The following NLGN1 variants were observed in gnomAD, a reference collection of about 807,000 sequenced individuals.
The protein encoded by NLGN1 is neuroligin 1, also known as neuroligin-1.
NLGN1 carries 12 observed loss-of-function variants against 65.5 expected under a neutral mutation model. The observed-to-expected ratio is 0.18, with a 90% CI of 0.12 to 0.30. The LOEUF is 0.30. Ranked by LOEUF, NLGN1 falls within the 10% of genes least tolerant of loss-of-function variation. The pLI is 1.00. For missense variants in NLGN1, 750 were observed against 1,007.1 expected (o/e 0.74, Z 3.46); for synonymous variants, 350 against 359.5 (o/e 0.97, Z 0.30).
At chr3:174,118,005 G>T (rs1352448436) in intron 4 of NLGN1, among the ~76,000 whole-genome samples, 6 of 151,936 alleles carry the variant, frequency 3.9e-5, no homozygotes, top group Admixed American at 2.0e-4. Flanking sequence ...AGTTTGTTTT[G>T]TTTTTTCTCT....
chr3:173,927,058 T>C (rs889680837), intron 4 of NLGN1, among the ~76,000 whole-genome samples: 1 of 152,140 alleles, frequency 6.6e-6, no homozygotes, highest in African/African-American at 2.4e-5. Flanking sequence ...ATTGCCTTTT[T>C]TTCCTTTCTT....
chr3:174,076,700 AGAGAGAGAGAGAGAGAGAGAGAGAGT>A (rs1368981689), intron 4 of NLGN1, among the ~76,000 whole-genome samples: 1 of 143,588 alleles, frequency 7.0e-6, no homozygotes, highest in Non-Finnish European at 1.5e-5. Context: ...AGAGAGAGAG[AGAGAGAGAGAGAGAGAGAGAGAGAGT>A]GTGTGTGTGT....
At chr3:174,207,447 G>T (rs1460008555) in intron 4 of NLGN1, among the ~76,000 whole-genome samples, 1 of 152,138 alleles carries the variant, frequency 6.6e-6, no homozygotes, top group Non-Finnish European at 1.5e-5. Flanking sequence ...ACAGAATGCA[G>T]ATTTATTCTC....
chr3:173,523,388 G>T (rs1023286960), intron 2 of NLGN1, among the ~76,000 whole-genome samples: 1 of 151,566 alleles, frequency 6.6e-6, no homozygotes, highest in Non-Finnish European at 1.5e-5. Flanking sequence ...ATAGTTTCAG[G>T]TATTATGTTT....
At chr3:173,505,655 C>G (rs377209136) in intron 2 of NLGN1, among the ~76,000 whole-genome samples, 39 of 152,020 alleles carry the variant, frequency 2.6e-4, no homozygotes, top group African/African-American at 9.4e-4. Flanking sequence ...TCTCCCATTA[C>G]CTAAACTATT....
At chr3:173,641,724 C>T (rs1206519375) in intron 3 of NLGN1, among the ~76,000 whole-genome samples, 1 of 152,136 alleles carries the variant, frequency 6.6e-6, no homozygotes, top group Non-Finnish European at 1.5e-5. Flanking sequence ...GATGTTAATA[C>T]TAGGTTTAAT....
At chr3:174,076,267 G>C (rs1740878853) in intron 4 of NLGN1, among the ~76,000 whole-genome samples, 1 of 151,952 alleles carries the variant, frequency 6.6e-6, no homozygotes, top group Admixed American at 6.6e-5. Context: ...TATATGAAAA[G>C]AAATGCTATG....
rs138454679 is a variant in NLGN1, at chr3:173,851,152, T to G, written c.646+43320T>G. On this transcript the variant is annotated intron_variant, in intron 4 of 6. Transcript: ENST00000457714. ...GACCACTGTCCACATGCCCATTACT[T>G]TTTTTGTCCATTTTCCTCGAAGTTT... 6.6e-3 allele frequency among the ~76,000 whole-genome samples: 1,000 copies of G among 152,286 alleles called. 15 individuals carry two copies. Among genetic ancestry groups the G allele is most frequent in the African/African-American group, 0.023 (956 of 41,548 alleles).
chr3:174,208,163 CT>C (rs1735787734), intron 4 of NLGN1, among the ~76,000 whole-genome samples: 2 of 152,098 alleles, frequency 1.3e-5, no homozygotes, highest in South Asian at 4.1e-4. Context: ...TCTATGCTTC[CT>C]GCGTGACCAC....
chr3:173,967,153 C>T (rs1255959824), intron 4 of NLGN1, among the ~76,000 whole-genome samples: 1 of 152,092 alleles, frequency 6.6e-6, no homozygotes, highest in Non-Finnish European at 1.5e-5. Flanking sequence ...AGCAGGGTGG[C>T]GAAGCAGCTG....
At chr3:173,569,633 G>A (rs1559982110) in intron 2 of NLGN1, among the ~76,000 whole-genome samples, 1 of 109,598 alleles carries the variant, frequency 9.1e-6, no homozygotes, top group East Asian at 2.4e-4. Context: ...AATGCTATTT[G>A]TTTTTCAGAT....
chr3:173,416,270 T>G (rs75186590), intron 1 of NLGN1, among the ~76,000 whole-genome samples: 1 of 152,184 alleles, frequency 6.6e-6, no homozygotes, highest in Non-Finnish European at 1.5e-5. Flanking sequence ...TCCTTATCCC[T>G]CTAAGCCTCA....
chr3:173,561,439 C>T (rs1427302572), intron 2 of NLGN1, among the ~76,000 whole-genome samples: 4 of 152,052 alleles, frequency 2.6e-5, no homozygotes, highest in East Asian at 3.9e-4. Flanking sequence ...AATCCCATCC[C>T]GAAGCCTTAT....
chr3:173,579,419 G>T (rs1296509581), intron 2 of NLGN1, among the ~76,000 whole-genome samples: 2 of 152,250 alleles, frequency 1.3e-5, no homozygotes, highest in Non-Finnish European at 2.9e-5. Context: ...TGAGGCCGCA[G>T]TGAGCCATGA....
chr3:173,554,875 A>G (rs1741458202), intron 2 of NLGN1, among the ~76,000 whole-genome samples: 1 of 152,152 alleles, frequency 6.6e-6, no homozygotes, highest in South Asian at 2.1e-4. Flanking sequence ...TAAGTACTGT[A>G]TGTGTGAGAG....
chr3:173,850,240 T>G (rs115773933), intron 4 of NLGN1, among the ~76,000 whole-genome samples: 1 of 152,298 alleles, frequency 6.6e-6, no homozygotes, highest in African/African-American at 2.4e-5. Context: ...TATGTGTGTA[T>G]GTATGTGTGT....
At chr3:173,488,379 G>A (rs953836197) in intron 2 of NLGN1, among the ~76,000 whole-genome samples, 4 of 151,778 alleles carry the variant, frequency 2.6e-5, no homozygotes, top group Admixed American at 6.6e-5. Flanking sequence ...GTATTTGCCA[G>A]CCATTATTTT....
chr3:173,680,606 T>C (rs919523918), intron 3 of NLGN1, among the ~76,000 whole-genome samples: 1 of 152,198 alleles, frequency 6.6e-6, no homozygotes, highest in Non-Finnish European at 1.5e-5. Flanking sequence ...AGTAGCAAGA[T>C]GGAACAAGGT....
intron 4 of NLGN1, among the ~76,000 whole-genome samples, chr3:174,256,645 T>C (rs1745825111): frequency 6.6e-6 from 1 of 152,186 alleles, no homozygotes; most frequent in Admixed American, 6.6e-5. Context: ...CCCCATTTTA[T>C]GCCTCTTTTT....
Sources: gnomAD v4.1 joint callset for allele counts (sites outside exome capture counted in the v4.1 genomes callset) on GRCh38, gnomAD v4.1.1 for gene constraint, MANE v1.5 for transcripts, NCBI Gene and HGNC (gene_info 2026-07-23, HGNC 2026-07-21) for gene names.